The following GPC6 variants were observed in gnomAD, a reference collection of about 807,000 sequenced individuals.
GPC6 encodes the protein glypican 6, also known as glypican-6.
In GPC6, 14 loss-of-function variants were observed where a neutral mutation model predicts 55.2. The observed-to-expected ratio is 0.25, with a 90% CI of 0.17 to 0.40. The LOEUF (loss-of-function observed/expected upper bound fraction) is 0.40. Among genes scored for constraint, GPC6 ranks in the 10% least tolerant of loss-of-function variants. The probability of loss-of-function intolerance (pLI) is 1.00; values close to 1 mark genes in which losing one functional copy is unlikely to be tolerated. For missense variants in GPC6, 641 were observed against 708.5 expected, an observed-to-expected ratio of 0.90 and a Z score of 1.08; for synonymous variants, 278 against 259.6, an observed-to-expected ratio of 1.07 and a Z score of -0.68.
intron 2 of GPC6, among the ~76,000 whole-genome samples, chr13:93,564,549 A>G (rs1875990653): frequency 1.3e-5 from 2 of 152,208 alleles, no homozygotes; most frequent in Admixed American, 1.3e-4. Context: ...CGCTAGAAGC[A>G]GGTTGTGAAA....
intron 1 of GPC6, among the ~76,000 whole-genome samples, chr13:93,420,836 A>C (rs553178673): frequency 6.6e-6 from 1 of 152,196 alleles, no homozygotes; most frequent in African/African-American, 2.4e-5. Flanking sequence ...TCTTACTCTC[A>C]TGGAGTTTTG....
At chr13:93,937,447 A>C (rs1239398621) in intron 3 of GPC6, among the ~76,000 whole-genome samples, 1 of 152,224 alleles carries the variant, frequency 6.6e-6, no homozygotes, top group Non-Finnish European at 1.5e-5. Flanking sequence ...CATAACTGGG[A>C]CATATCTGAA....
intron 2 of GPC6, among the ~76,000 whole-genome samples, chr13:93,563,340 A>G (rs1188120912): frequency 6.6e-6 from 1 of 152,172 alleles, no homozygotes; most frequent in Non-Finnish European, 1.5e-5. Flanking sequence ...ACCAACAGCG[A>G]TCCAACCAAG....
chr13:93,412,518 A>G (rs138761002), intron 1 of GPC6, among the ~76,000 whole-genome samples: 5,853 of 152,176 alleles, frequency 0.038, 380 homozygotes, highest in African/African-American at 0.13. Flanking sequence ...TTAGCTGGGC[A>G]TGGTGGCACA....
intron 4 of GPC6, among the ~76,000 whole-genome samples, chr13:94,211,125 A>G (rs1403371216): frequency 2.0e-5 from 3 of 151,994 alleles, no homozygotes; most frequent in African/African-American, 7.3e-5. Flanking sequence ...CAAAACTGTC[A>G]TTTGGCTCAT....
chr13:93,951,208 A>T (rs980561194), intron 3 of GPC6, among the ~76,000 whole-genome samples: 2 of 152,184 alleles, frequency 1.3e-5, no homozygotes, highest in Non-Finnish European at 2.9e-5. Context: ...AACTCTTTTC[A>T]TCTCCAGTAA....
chr13:93,532,306 T>C (rs1881898272), intron 1 of GPC6, among the ~76,000 whole-genome samples: 1 of 152,080 alleles, frequency 6.6e-6, no homozygotes, highest in Admixed American at 6.6e-5. Context: ...AGAAATACAA[T>C]GAATCTCTCT....
chr13:93,847,401 G>A (rs986318340), intron 3 of GPC6, among the ~76,000 whole-genome samples: 7 of 152,210 alleles, frequency 4.6e-5, no homozygotes, highest in African/African-American at 1.2e-4. Flanking sequence ...AAGCTGGCCC[G>A]TCACTGGGTT....
At chr13:93,917,321 C>A (rs1877342025) in intron 3 of GPC6, among the ~76,000 whole-genome samples, 1 of 151,906 alleles carries the variant, frequency 6.6e-6, no homozygotes, top group Non-Finnish European at 1.5e-5. Flanking sequence ...AAGTTAGAGA[C>A]TATCTACAAA....
chr13:93,806,449 C>T (rs968209140), intron 2 of GPC6, among the ~76,000 whole-genome samples: 24 of 152,220 alleles, frequency 1.6e-4, no homozygotes, highest in Admixed American at 1.4e-3. Context: ...ACAATTCTCC[C>T]GCCTCAGTCT....
intron 6 of GPC6, 142 bp from the exon 7 acceptor site, chr13:94,382,272 C>T: frequency 1.2e-6 from 1 of 828,122 alleles, no homozygotes; most frequent in Non-Finnish European, 2.0e-6. Context: ...CCCTGCAGTG[C>T]AGTGTCTCTC....
intron 4 of GPC6, among the ~76,000 whole-genome samples, chr13:94,270,404 A>G: frequency 6.6e-6 from 1 of 152,214 alleles, no homozygotes. Context: ...AGCCAGTAAA[A>G]AGGATGCTTT....
intron 1 of GPC6, among the ~76,000 whole-genome samples, chr13:93,296,949 G>C (rs879586175): frequency 6.6e-6 from 1 of 152,168 alleles, no homozygotes; most frequent in Admixed American, 6.5e-5. Flanking sequence ...GCCAAATACA[G>C]GGTCAGAAAT....
intron 3 of GPC6, among the ~76,000 whole-genome samples, chr13:93,894,958 A>G (rs558582920): frequency 6.6e-6 from 1 of 151,800 alleles, no homozygotes; most frequent in South Asian, 2.1e-4. Flanking sequence ...GTAACATTTT[A>G]AAGTTACTGA....
intron 6 of GPC6, among the ~76,000 whole-genome samples, chr13:94,328,875 T>C (rs186146813): frequency 6.8e-4 from 103 of 152,308 alleles, no homozygotes; most frequent in African/African-American, 2.4e-3. Flanking sequence ...CGTTTGCTCA[T>C]CGTTAAAACC....
At chr13:93,776,270 A>G (rs1217831039) in intron 2 of GPC6, among the ~76,000 whole-genome samples, 1 of 152,196 alleles carries the variant, frequency 6.6e-6, no homozygotes, top group Non-Finnish European at 1.5e-5. Flanking sequence ...GCTTACATGT[A>G]TTCAACCCTT....
chr13:94,399,188 T>C (rs1881022060), intron 8 of GPC6, among the ~76,000 whole-genome samples: 1 of 152,238 alleles, frequency 6.6e-6, no homozygotes, highest in African/African-American at 2.4e-5. Flanking sequence ...GCTATGATAG[T>C]GTCTGGTGGG....
At chr13:94,107,125 C>T (rs1295651587) in intron 4 of GPC6, among the ~76,000 whole-genome samples, 1 of 152,086 alleles carries the variant, frequency 6.6e-6, no homozygotes, top group Admixed American at 6.6e-5. Flanking sequence ...GTCATGAGGA[C>T]TCTCAGCTCA....
chr13:94,239,960 C>A (rs914157805), intron 4 of GPC6, among the ~76,000 whole-genome samples: 1 of 151,966 alleles, frequency 6.6e-6, no homozygotes, highest in Non-Finnish European at 1.5e-5. Context: ...TGATGCTCAC[C>A]TACTTTAAAA....
Sources: allele counts gnomAD v4.1 joint callset (sites outside exome capture counted in the v4.1 genomes callset), GRCh38; gene constraint gnomAD v4.1.1; transcripts MANE v1.5; gene names NCBI Gene and HGNC (gene_info 2026-07-23, HGNC 2026-07-21).